Variants in CCDC171 observed in about 807,000 individuals in gnomAD.
The protein encoded by CCDC171 is coiled-coil domain-containing protein 171.
In CCDC171, 177 loss-of-function variants were observed where a neutral mutation model predicts 168.2. The observed-to-expected ratio is 1.05, with a 90% CI of 0.93 to 1.19. The LOEUF is 1.19. Ranked by LOEUF, CCDC171 falls within the 50% of genes most tolerant of loss-of-function variation. The probability of loss-of-function intolerance (pLI) is 0.00; values close to 1 mark genes in which losing one functional copy is unlikely to be tolerated. For synonymous variants in CCDC171, 687 were observed against 540.8 expected (o/e 1.27, Z -3.75); for missense variants, 1,991 against 1,539.0 (o/e 1.29, Z -4.91).
the CCDC171 span, among the ~76,000 whole-genome samples, chr9:16,104,956 C>T: frequency 6.6e-6 from 1 of 152,068 alleles, no homozygotes; most frequent in South Asian, 2.1e-4. Flanking sequence ...TGGGATTTGA[C>T]CTACTTAGGA....
intron 7 of CCDC171, among the ~76,000 whole-genome samples, chr9:15,625,408 T>C (rs955787826): frequency 4.6e-5 from 7 of 152,172 alleles, no homozygotes; most frequent in Middle Eastern, 3.2e-3. Flanking sequence ...ATGTCCTGAA[T>C]GGTATTGCCT....
chr9:15,618,091 G>C (rs1167173810), intron 6 of CCDC171, among the ~76,000 whole-genome samples: 1 of 152,182 alleles, frequency 6.6e-6, no homozygotes, highest in Non-Finnish European at 1.5e-5. Context: ...TGACAGGTAG[G>C]AAAGATTTAA....
rs1832312077 is a variant in CCDC171 at position 15,994,616 on chromosome 9, G to C, written n.369-25973G>C. On this transcript the variant is annotated intron_variant and non_coding_transcript_variant, in intron 3 of 9. Coordinates refer to the CCDC171 transcript ENST00000486641. ...AAAGTTTCTCTTAGATTTTATAAAT[G>C]GACACAATTTCTTGTTCTGTTAAGA... is the stretch of plus-strand genomic sequence containing the variant. Among the ~76,000 whole-genome samples the C allele has an allele frequency of 2.0e-5, 3 of 152,050 alleles. No homozygotes were observed. The South Asian group carries it at 6.2e-4, about 32-fold the overall frequency.
At chr9:15,695,447 T>G in intron 11 of CCDC171, 110 bp downstream of exon 11, 1 of 816,442 alleles carries the variant, frequency 1.2e-6, no homozygotes, top group Non-Finnish European at 2.1e-6. Flanking sequence ...CATGTTTTGA[T>G]TTGATGACAT....
chr9:15,828,008 A>G (rs1021993182), intron 21 of CCDC171, among the ~76,000 whole-genome samples: 2 of 152,212 alleles, frequency 1.3e-5, no homozygotes, highest in African/African-American at 4.8e-5. Context: ...GGATTTCATG[A>G]CAGAGTAAAT....
the CCDC171 span, among the ~76,000 whole-genome samples, chr9:16,068,411 C>T: frequency 3.3e-5 from 5 of 152,084 alleles, no homozygotes; most frequent in Non-Finnish European, 7.4e-5. Context: ...CAATGCCATC[C>T]CCATCAAGCT....
chr9:16,085,367 C>T, the CCDC171 span, among the ~76,000 whole-genome samples: 10 of 152,314 alleles, frequency 6.6e-5, no homozygotes, highest in South Asian at 2.1e-3. Flanking sequence ...CTGCTGACCT[C>T]AGCTGCATGT....
intron 18 of CCDC171, among the ~76,000 whole-genome samples, chr9:15,772,935 A>G (rs1564378959): frequency 6.7e-6 from 1 of 148,366 alleles, no homozygotes; most frequent in South Asian, 2.2e-4. Context: ...AGTGTGTAGA[A>G]CTGAGGTGGA....
At chr9:15,776,156 T>C (rs944999509) in intron 18 of CCDC171, 5 of 152,126 alleles carry the variant, frequency 3.3e-5, no homozygotes, top group African/African-American at 9.7e-5. Context: ...TTTTTATTTA[T>C]TTATTTATTT....
chr9:15,989,587 G>C (rs1832117564), intron 3 of CCDC171, among the ~76,000 whole-genome samples: 2 of 152,200 alleles, frequency 1.3e-5, no homozygotes, highest in Admixed American at 6.5e-5. Context: ...GAATGACTTT[G>C]ACGAGTTGAG....
intron 11 of CCDC171, among the ~76,000 whole-genome samples, chr9:15,720,577 A>G (rs1199659774): frequency 3.9e-5 from 6 of 152,196 alleles, no homozygotes; most frequent in Admixed American, 6.5e-5. Context: ...ATAAAATATG[A>G]TGAGAAGAAA....
At chr9:15,594,999 A>C (rs1237959002) in intron 6 of CCDC171, among the ~76,000 whole-genome samples, 1 of 152,204 alleles carries the variant, frequency 6.6e-6, no homozygotes, top group Non-Finnish European at 1.5e-5. Flanking sequence ...TGACAAATTG[A>C]AATAACCTTT....
At chr9:15,623,089 A>C (rs756607790) in intron 6 of CCDC171, among the ~76,000 whole-genome samples, 178 bp from the exon 7 acceptor site, 23 of 152,188 alleles carry the variant, frequency 1.5e-4, no homozygotes, top group Non-Finnish European at 3.2e-4. Context: ...ATTGCTTTTT[A>C]AACACATGGA....
chr9:15,851,777 C>T (rs1415186680), intron 23 of CCDC171, among the ~76,000 whole-genome samples: 2 of 151,832 alleles, frequency 1.3e-5, no homozygotes, highest in African/African-American at 2.4e-5. Flanking sequence ...GACCTGCCTT[C>T]TGTCTCTATG....
chr9:15,635,133 A>G (rs2046101902), intron 7 of CCDC171, among the ~76,000 whole-genome samples: 2 of 152,100 alleles, frequency 1.3e-5, no homozygotes, highest in African/African-American at 4.8e-5. Context: ...TTGTTAGGAG[A>G]ATTGACTTAC....
intron 10 of CCDC171, among the ~76,000 whole-genome samples, chr9:15,685,546 G>C (rs1173919309): frequency 1.3e-5 from 2 of 151,966 alleles, no homozygotes; most frequent in Non-Finnish European, 2.9e-5. Context: ...GAGATGGGAG[G>C]ATCACTTGAG....
At chr9:15,679,237 C>G (rs965741324) in intron 10 of CCDC171, among the ~76,000 whole-genome samples, 2 of 152,030 alleles carry the variant, frequency 1.3e-5, no homozygotes, top group Non-Finnish European at 2.9e-5. Flanking sequence ...CTGATGATTT[C>G]AAAGACTTCC....
At chr9:15,859,034 C>T (rs1181732663) in intron 23 of CCDC171, among the ~76,000 whole-genome samples, 1 of 151,860 alleles carries the variant, frequency 6.6e-6, no homozygotes, top group Non-Finnish European at 1.5e-5. Flanking sequence ...ACATATATGG[C>T]CTTTGGTGTG....
chr9:15,987,638 G>A (rs1429316706), intron 3 of CCDC171, among the ~76,000 whole-genome samples: 3 of 152,172 alleles, frequency 2.0e-5, no homozygotes, highest in Admixed American at 2.0e-4. Flanking sequence ...GATAACAGCT[G>A]TTAAAGGAGT....
Sources: allele counts gnomAD v4.1 joint callset (sites outside exome capture counted in the v4.1 genomes callset), GRCh38; gene constraint gnomAD v4.1.1; transcripts MANE v1.5; gene names NCBI Gene and HGNC (gene_info 2026-07-23, HGNC 2026-07-21).